LETMD1: variants seen among roughly 807,000 people sequenced by gnomAD.
LETMD1 encodes the protein LETM1 domain-containing protein 1.
In LETMD1, 30 loss-of-function variants were observed where a neutral mutation model predicts 43.9. The observed-to-expected ratio is 0.68, with a 90% CI of 0.51 to 0.93. The LOEUF is 0.93. Among genes scored for constraint, LETMD1 ranks in the 40% least tolerant of loss-of-function variants. LETMD1 has a pLI of 0.00. For missense variants in LETMD1, 413 were observed against 447.7 expected (o/e 0.92, Z 0.70); for synonymous variants, 176 against 163.1 (o/e 1.08, Z -0.60).
the LETMD1 span, among the ~76,000 whole-genome samples, chr12:51,066,828 T>C: frequency 1.3e-5 from 2 of 152,068 alleles, no homozygotes; most frequent in Non-Finnish European, 2.9e-5. Flanking sequence ...CCCACACCAT[T>C]CCTCTGCTAA....
chr12:51,061,531 G>C (rs904719957), downstream of LETMD1: 1 of 152,662 alleles, frequency 6.6e-6, no homozygotes, highest in African/African-American at 2.4e-5. Context: ...CTAGGTTGTA[G>C]AGAAGGCCTT....
chr12:51,060,851 G>A (rs147746752), downstream of LETMD1, among the ~76,000 whole-genome samples: 11 of 145,262 alleles, frequency 7.6e-5, no homozygotes, highest in African/African-American at 2.6e-4. Flanking sequence ...GCAGTGAGCC[G>A]AGATTACGAC....
chr12:51,055,905 A>G lies in LETMD1; in HGVS notation c.544A>G (p.Ile182Val). 7 of 1,613,978 alleles carry G rather than the reference A, an allele frequency of 4.3e-6. No individual in the cohort carries two copies. The highest frequency in any genetic ancestry group is 5.1e-6 in the Non-Finnish European group (6 of 1,179,900). The change falls in exon 5 of 9, where the codon ATC becomes GTC. Residue 182 changes from isoleucine to valine, a missense_variant. Coordinates refer to ENST00000262055, the MANE Select transcript of LETMD1 (RefSeq NM_015416.5). ...TPKQQTDFLD[I>V]YHAFRKQSHP... ...AAAACAACAAACTGATTTCTTAGAT[A>G]TCTATCATGCTTTCCGGAAGCAGTC...
intron 4 of LETMD1, among the ~76,000 whole-genome samples, chr12:51,054,062 T>G (rs1946929325): frequency 6.6e-6 from 1 of 152,116 alleles, no homozygotes; most frequent in Non-Finnish European, 1.5e-5. Flanking sequence ...TAAGTGTAGG[T>G]GGCCTAGACT....
rs144538349 is a variant in LETMD1 at position 51,048,502 on chromosome 12, G to A, written c.122+24G>A. On this transcript the variant is annotated intron_variant, in intron 1 of 8. Coordinates refer to ENST00000262055, the MANE Select transcript of LETMD1 (RefSeq NM_015416.5). The stretch of plus-strand genomic sequence containing the variant: ...CGGTGAGGGACCTGTAGCGAGAAAA[G>A]CATTTTTGACGTCCAGGCTCTTTCA... 8,019 of 1,610,204 alleles carry A rather than the reference G, an allele frequency of 5.0e-3. 139 individuals carry two copies. Among genetic ancestry groups the A allele is most frequent in the East Asian group, 0.049 (2,195 of 44,874 alleles).
chr12:51,060,596 G>T (rs1441782098), downstream of LETMD1, among the ~76,000 whole-genome samples: 2 of 152,150 alleles, frequency 1.3e-5, no homozygotes, highest in African/African-American at 2.4e-5. Flanking sequence ...AAGGAAAAGA[G>T]AATTTCATAA....
downstream of LETMD1, chr12:51,064,591 T>C (rs560057159): frequency 8.8e-6 from 14 of 1,594,942 alleles, no homozygotes; most frequent in Admixed American, 3.6e-5. Context: ...CGGACCCGGA[T>C]TGGATTAAAT....
chr12:51,056,503 G>C lies in LETMD1; in HGVS notation c.915+1G>C. The C allele has an allele frequency of 6.2e-7, 1 of 1,614,148 alleles. No homozygotes were observed. The highest frequency in any genetic ancestry group is 8.5e-7 in the Non-Finnish European group (1 of 1,180,036). On this transcript the variant is annotated splice_donor_variant, in intron 7 of 8. Coordinates refer to ENST00000262055, the MANE Select transcript of LETMD1 (RefSeq NM_015416.5). LOFTEE classifies it high-confidence loss of function. ...GCTGACTGCTCAGGAAGTAAAATCG[G>C]TAAGAGCTTGATTGCAACATCAACC... is the stretch of plus-strand genomic sequence containing the variant.
At chr12:51,068,455 A>G in the LETMD1 span, among the ~76,000 whole-genome samples, 1 of 152,146 alleles carries the variant, frequency 6.6e-6, no homozygotes, top group Non-Finnish European at 1.5e-5. Context: ...ACATAATTTT[A>G]ATTGAATAGC....
intron 3 of LETMD1, among the ~76,000 whole-genome samples, chr12:51,052,789 A>G (rs1387880681): frequency 2.0e-5 from 3 of 151,280 alleles, no homozygotes; most frequent in Non-Finnish European, 4.4e-5. Flanking sequence ...TCAAAAAAAA[A>G]TAATAATAAA....
At chr12:51,066,430 GGC>G in the LETMD1 span, among the ~76,000 whole-genome samples, 1 of 148,984 alleles carries the variant, frequency 6.7e-6, no homozygotes, top group Non-Finnish European at 1.5e-5. Context: ...ACTCCAGCCT[GGC>G]AACAGAGCAA....
At position 51,056,519 on chromosome 12, in the gene LETMD1, A is replaced by C; in HGVS notation, c.915+17A>C. The C allele has an allele frequency of 6.2e-7, 1 of 1,614,050 alleles. No individual in the cohort carries two copies. The highest frequency in any genetic ancestry group is 8.5e-7 in the Non-Finnish European group (1 of 1,179,998). On this transcript the variant is annotated intron_variant, in intron 7 of 8. Transcript: ENST00000262055. ...GTAAAATCGGTAAGAGCTTGATTGC[A>C]ACATCAACCCTCAACCCTTGGTGTG...
chr12:51,048,786 A>C (rs1207809414), intron 1 of LETMD1: 2 of 586,798 alleles, frequency 3.4e-6, no homozygotes, highest in Non-Finnish European at 6.0e-6. Flanking sequence ...CTGCAGTTCA[A>C]ATTGTCCCAC....
the LETMD1 span, among the ~76,000 whole-genome samples, chr12:51,066,417 G>A: frequency 4.7e-5 from 7 of 149,676 alleles, no homozygotes; most frequent in African/African-American, 1.2e-4. Context: ...CACGCGCTAC[G>A]GCACTCCAGC....
Position 51,053,867 on chromosome 12 carries a change from A to G in LETMD1, c.473+7A>G, listed in dbSNP as rs1436353844. The stretch of plus-strand genomic sequence containing the variant: ...ACCTGGTCTTCTTGCTAATGTGAGT[A>G]CAGACTTCCATCTCCCCAACATCTT... On this transcript the variant is annotated splice_region_variant and intron_variant, in intron 4 of 8. Coordinates refer to ENST00000262055, the MANE Select transcript of LETMD1 (RefSeq NM_015416.5). 1.3e-6 allele frequency: 2 copies of G among 1,566,160 alleles called. No homozygotes were observed. The highest frequency in any genetic ancestry group is 1.7e-5 in the Admixed American group (1 of 57,682).
intron 4 of LETMD1, among the ~76,000 whole-genome samples, chr12:51,054,400 A>G (rs1157721868): frequency 1.3e-5 from 2 of 152,188 alleles, no homozygotes; most frequent in African/African-American, 2.4e-5. Context: ...TCTCTTCCAT[A>G]TAGGGTTGAC....
the LETMD1 span, among the ~76,000 whole-genome samples, chr12:51,068,179 C>T: frequency 6.6e-6 from 1 of 152,160 alleles, no homozygotes; most frequent in Non-Finnish European, 1.5e-5. Context: ...TTTTTTGAGA[C>T]AAAAGTCTCA....
Position 51,051,932 on chromosome 12 carries a change from C to T in LETMD1, c.275-160C>T, listed in dbSNP as rs1385052059. Among the ~76,000 whole-genome samples, 3 of 152,056 alleles carry T rather than the reference C, an allele frequency of 2.0e-5. No homozygotes were observed. In the East Asian group the frequency reaches 5.8e-4, roughly 29 times the overall value. ...GGAAAAAATGTTGAGAAAAGAGATT[C>T]GAGTTGACCTCAGGAGTTTCAAGTT... On this transcript the variant is annotated intron_variant, in intron 2 of 8. Coordinates refer to ENST00000262055, the MANE Select transcript of LETMD1 (RefSeq NM_015416.5).
At chr12:51,048,946 C>T (rs1051637956) in intron 1 of LETMD1, 88 bp from the exon 2 acceptor site, 19 of 1,271,968 alleles carry the variant, frequency 1.5e-5, no homozygotes, top group South Asian at 8.7e-5. Flanking sequence ...GATACAATCT[C>T]CGAGACTCCT....
Sources: allele counts gnomAD v4.1 joint callset (sites outside exome capture counted in the v4.1 genomes callset), GRCh38; gene constraint gnomAD v4.1.1; transcripts MANE v1.5; gene names NCBI Gene and HGNC (gene_info 2026-07-23, HGNC 2026-07-21).